CPN1: variants seen among roughly 807,000 people sequenced by gnomAD.
CPN1 encodes carboxypeptidase N catalytic chain.
A neutral mutation model predicts 46.4 loss-of-function variants in CPN1; 37 were observed. The observed-to-expected ratio is 0.80, with a 90% CI of 0.61 to 1.05. The LOEUF (loss-of-function observed/expected upper bound fraction) is 1.05. CPN1 is among the 50% of genes least tolerant of loss of function. The pLI is 0.00. For missense variants in CPN1, 563 were observed against 602.6 expected (o/e 0.93, Z 0.69); for synonymous variants, 224 against 235.4 (o/e 0.95, Z 0.44).
chr10:100,060,097 A>T (rs1327314211), intron 5 of CPN1, among the ~76,000 whole-genome samples: 1 of 152,208 alleles, frequency 6.6e-6, no homozygotes, highest in African/African-American at 2.4e-5. Flanking sequence ...GTAAGGGGAA[A>T]TGGAGAGTTA....
In CPN1 at chr10:100,079,007, G is replaced by A. The variant is rs114886638; in HGVS notation, c.223+2396C>T. Among the ~76,000 whole-genome samples the A allele has an allele frequency of 2.4e-3, 372 of 152,264 alleles. 1 individual carries two copies. Among genetic ancestry groups the A allele is most frequent in the African/African-American group, 8.5e-3 (355 of 41,548 alleles). On this transcript the variant is annotated intron_variant, in intron 1 of 8. Coordinates refer to ENST00000370418, the MANE Select transcript of CPN1 (RefSeq NM_001308.3). The stretch of plus-strand genomic sequence containing the variant: ...ATTGCCTTTGCTCTTCCCTCTGCCC[G>A]TCATCTTTTCCTCCTCAATATCAGC...
intron 8 of CPN1, among the ~76,000 whole-genome samples, chr10:100,046,910 C>T (rs2041316311): frequency 6.6e-6 from 1 of 151,918 alleles, no homozygotes; most frequent in African/African-American, 2.4e-5. Flanking sequence ...CCTGTCTCTA[C>T]TAAAAATACA....
At chr10:100,075,417 T>A (rs1380975659) in intron 2 of CPN1, among the ~76,000 whole-genome samples, 2 of 152,196 alleles carry the variant, frequency 1.3e-5, no homozygotes, top group East Asian at 3.8e-4. Flanking sequence ...TAATAAAGTA[T>A]GAAGAATGTA....
intron 1 of CPN1, among the ~76,000 whole-genome samples, chr10:100,078,452 T>C (rs1401611943): frequency 6.6e-6 from 1 of 152,230 alleles, no homozygotes; most frequent in Non-Finnish European, 1.5e-5. Flanking sequence ...TATTAGGTTA[T>C]TGCAATAAAT....
chr10:100,042,513 T>C lies in CPN1; in HGVS notation c.1291A>G (p.Arg431Gly). ...QVSPVRRAPS[R>G]RHGVRAKVQP... ...ACTTTGGCTCTGACTCCGTGCCTTC[T>C]GCTGGGAGCTCTCCTCACAGGGCTT... Residue 431 changes from arginine to glycine, a missense_variant, in exon 9 of 9, where the codon AGA (arginine) becomes GGA (glycine). Transcript: ENST00000370418. 2 of 1,614,044 alleles carry C rather than the reference T, an allele frequency of 1.2e-6. No homozygotes were observed. The highest frequency in any genetic ancestry group is 1.7e-6 in the Non-Finnish European group (2 of 1,180,024).
At chr10:100,081,380 C>G in intron 1 of CPN1, 23 bp downstream of exon 1, 1 of 1,604,238 alleles carries the variant, frequency 6.2e-7, no homozygotes, top group Non-Finnish European at 8.5e-7. Context: ...CCCACACACC[C>G]TCAAGAGCTG....
intron 2 of CPN1, among the ~76,000 whole-genome samples, chr10:100,074,443 A>T (rs2041503046): frequency 6.6e-6 from 1 of 152,062 alleles, no homozygotes; most frequent in African/African-American, 2.4e-5. Flanking sequence ...CACCCCACCT[A>T]CTGCAAAGGA....
intron 7 of CPN1, among the ~76,000 whole-genome samples, chr10:100,053,433 G>T (rs1047507819): frequency 6.6e-6 from 1 of 152,040 alleles, no homozygotes; most frequent in Non-Finnish European, 1.5e-5. Context: ...AAACCAGCCT[G>T]GGCAACATGG....
intron 2 of CPN1, among the ~76,000 whole-genome samples, chr10:100,071,590 C>G (rs190363440): frequency 2.8e-4 from 42 of 152,354 alleles, no homozygotes; most frequent in African/African-American, 1.0e-3. Context: ...TAAAGACCCT[C>G]AGTAGGCCCT....
chr10:100,059,472 A>G (rs371181219), intron 5 of CPN1, among the ~76,000 whole-genome samples: 27 of 152,132 alleles, frequency 1.8e-4, no homozygotes, highest in African/African-American at 6.3e-4. Context: ...CATTTCTCCA[A>G]AGAAGGTATA....
rs372849320 is a variant in CPN1 at position 100,062,005 on chromosome 10, C to T, written c.871+1609G>A. On this transcript the variant is annotated intron_variant, in intron 5 of 8. Transcript: ENST00000370418. ...ACAGGTATGAGCCACTGCGCCCAGC[C>T]GTGCCTTGTATTCAAGCGAGTTTTT... 7.2e-5 allele frequency among the ~76,000 whole-genome samples: 11 copies of T among 152,098 alleles called. No individual in the cohort carries two copies. In the East Asian group the frequency reaches 9.7e-4, roughly 13 times the overall value.
At chr10:100,057,267 CT>C in intron 5 of CPN1, 115 bp from the exon 6 acceptor site, 2 of 1,195,060 alleles carry the variant, frequency 1.7e-6, no homozygotes, top group Non-Finnish European at 2.4e-6. Context: ...TGGGAATTAC[CT>C]TTTAATTTTA....
At chr10:100,050,819 TGGA>T (rs2041347503) in intron 7 of CPN1, among the ~76,000 whole-genome samples, 1 of 152,208 alleles carries the variant, frequency 6.6e-6, no homozygotes, top group South Asian at 2.1e-4. Context: ...TTTGTAGAGA[TGGA>T]GGTCTTGCTA....
intron 5 of CPN1, 54 bp from the exon 6 acceptor site, chr10:100,057,206 C>T: frequency 3.2e-6 from 5 of 1,581,612 alleles, no homozygotes; most frequent in Non-Finnish European, 4.3e-6. Context: ...CACCCAATGC[C>T]CCATCTCATC....
intron 2 of CPN1, among the ~76,000 whole-genome samples, chr10:100,075,600 C>G (rs2041509196): frequency 6.6e-6 from 1 of 152,176 alleles, no homozygotes; most frequent in Non-Finnish European, 1.5e-5. Context: ...TGAGTATTTT[C>G]CAGGTTACAA....
chr10:100,076,910 A>G (rs1475488422), intron 1 of CPN1, among the ~76,000 whole-genome samples: 1 of 152,184 alleles, frequency 6.6e-6, no homozygotes, highest in Non-Finnish European at 1.5e-5. Flanking sequence ...GCTATGTCTC[A>G]TTCCTCAGTC....
intron 7 of CPN1, among the ~76,000 whole-genome samples, chr10:100,049,725 T>C (rs1283214244): frequency 6.6e-6 from 1 of 152,164 alleles, no homozygotes; most frequent in Non-Finnish European, 1.5e-5. Flanking sequence ...CTTAATAGCA[T>C]GAAACTAGTA....
At chr10:100,061,988 G>A (rs1246382696) in intron 5 of CPN1, among the ~76,000 whole-genome samples, 3 of 152,060 alleles carry the variant, frequency 2.0e-5, no homozygotes, top group African/African-American at 4.8e-5. Context: ...TTACAGGTAT[G>A]AGCCACTGCG....
intron 6 of CPN1, among the ~76,000 whole-genome samples, chr10:100,055,169 C>T (rs1279133055): frequency 6.6e-6 from 1 of 151,248 alleles, no homozygotes; most frequent in Non-Finnish European, 1.5e-5. Flanking sequence ...ACTGAGGAGG[C>T]GGAGGTTGCA....
Sources: gnomAD v4.1 joint callset for allele counts (sites outside exome capture counted in the v4.1 genomes callset) on GRCh38, gnomAD v4.1.1 for gene constraint, MANE v1.5 for transcripts, NCBI Gene and HGNC (gene_info 2026-07-23, HGNC 2026-07-21) for gene names.